Variants in PUM2 observed in about 807,000 individuals in gnomAD.
The protein encoded by PUM2 is pumilio homolog 2.
A neutral mutation model predicts 124.5 loss-of-function variants in PUM2; 57 were observed. That is an observed-to-expected ratio of 0.46 (90% CI 0.37 to 0.57). The LOEUF (loss-of-function observed/expected upper bound fraction) is 0.57, where lower values mean the gene tolerates loss of function less well. Ranked by LOEUF, PUM2 falls within the 20% of genes least tolerant of loss-of-function variation. PUM2 has a pLI of 0.00. For missense variants in PUM2, 1,065 were observed against 1,290.6 expected (o/e 0.83, Z 2.68); for synonymous variants, 460 against 446.1 (o/e 1.03, Z -0.39).
At position 20,263,189 on chromosome 2, in the gene PUM2, C is replaced by T. The variant is rs768466964; in HGVS notation, c.2225+4G>A. The T allele has an allele frequency of 2.5e-6, 4 of 1,581,494 alleles. No individual in the cohort carries two copies. Among genetic ancestry groups the T allele is most frequent in the East Asian group, 2.2e-5 (1 of 44,670 alleles). The stretch of plus-strand genomic sequence containing the variant: ...ATGAAGTGAGAAATATCATAATCAC[C>T]TACCTAGAACCATGCTGGTCTTGAG... On this transcript the variant is annotated splice_donor_region_variant and intron_variant, in intron 14 of 20. Coordinates refer to ENST00000361078, the MANE Select transcript of PUM2 (RefSeq NM_015317.5).
intron 1 of PUM2, 154 bp from the exon 2 acceptor site, chr2:20,327,532 A>G (rs890745751): frequency 1.1e-4 from 63 of 573,574 alleles, no homozygotes; most frequent in Admixed American, 3.3e-4. Flanking sequence ...TTCCCAGTTT[A>G]TGACAGCAAT....
chr2:20,351,894 T>C (rs1689377528), upstream of PUM2, among the ~76,000 whole-genome samples: 1 of 152,234 alleles, frequency 6.6e-6, no homozygotes, highest in African/African-American at 2.4e-5. Flanking sequence ...ACATGGGCTC[T>C]TCGGTTTTTA....
intron 9 of PUM2, among the ~76,000 whole-genome samples, chr2:20,292,310 T>C (rs1045792085): frequency 2.0e-5 from 3 of 151,626 alleles, no homozygotes; most frequent in African/African-American, 4.8e-5. Context: ...TTTTTTTTTT[T>C]TTCCCCAAAG....
chr2:20,273,476 C>A (rs767974575), intron 13 of PUM2, among the ~76,000 whole-genome samples: 4 of 152,054 alleles, frequency 2.6e-5, no homozygotes, highest in Non-Finnish European at 5.9e-5. Context: ...ACATTAGAAC[C>A]ACAATGTCAC....
rs1672335825 is a variant in PUM2 at position 20,284,732 on chromosome 2, A to G, written c.1292-1246T>C. 2.6e-5 allele frequency among the ~76,000 whole-genome samples: 4 copies of G among 152,238 alleles called. No homozygotes were observed. The South Asian group carries it at 8.3e-4, about 32-fold the overall frequency. ...CTATGCAGAAGTGAGAGTTACAGTA[A>G]AATTAGTGATAATGCAGCATGAACA... On this transcript the variant is annotated intron_variant, in intron 10 of 20. Coordinates refer to ENST00000361078, the MANE Select transcript of PUM2 (RefSeq NM_015317.5).
chr2:20,327,140 T>A lies in PUM2; in HGVS notation c.51+170A>T, dbSNP rs539773930. Among the ~76,000 whole-genome samples, 47 of 151,988 alleles carry A rather than the reference T, an allele frequency of 3.1e-4. 1 individual carries two copies. Among genetic ancestry groups the A allele is most frequent in the Non-Finnish European group, 5.6e-4 (38 of 67,962 alleles). ...AAATTACTGCTAAAAGCTTTTTTTT[T>A]AAAGCTAAAAATCACAACAGAATTG... On this transcript the variant is annotated intron_variant, in intron 2 of 20. Transcript: ENST00000361078.
At chr2:20,328,962 A>C (rs1385343805) in intron 1 of PUM2, among the ~76,000 whole-genome samples, 1 of 152,154 alleles carries the variant, frequency 6.6e-6, no homozygotes, top group Non-Finnish European at 1.5e-5. Flanking sequence ...ACTTGAGCCC[A>C]GGAATTGAGA....
intron 7 of PUM2, among the ~76,000 whole-genome samples, chr2:20,302,220 C>A (rs569050326): frequency 2.0e-5 from 3 of 152,302 alleles, no homozygotes; most frequent in African/African-American, 7.2e-5. Flanking sequence ...TTTCCTGTTT[C>A]TGTCATATAA....
intron 2 of PUM2, among the ~76,000 whole-genome samples, chr2:20,322,490 G>C (rs1377326798): frequency 1.3e-5 from 2 of 152,030 alleles, no homozygotes; most frequent in Non-Finnish European, 2.9e-5. Flanking sequence ...TGCACCTCTA[G>C]TCCCAGCTAT....
chr2:20,328,109 T>G (rs1242548543), intron 1 of PUM2, among the ~76,000 whole-genome samples: 1 of 152,074 alleles, frequency 6.6e-6, no homozygotes, highest in Non-Finnish European at 1.5e-5. Context: ...CCGAGGTGGG[T>G]GATCACTTGA....
chr2:20,297,697 G>C lies in PUM2; in HGVS notation c.884-19C>G. Reference sequence around the variant, plus strand: ...ACACCAGCTATATTTTAAAAGGGGAGAAATAATAAACAACAATGTAAAGTA... The same window carrying C: ...ACACCAGCTATATTTTAAAAGGGGACAAATAATAAACAACAATGTAAAGTA... On this transcript the variant is annotated intron_variant, in intron 7 of 20. Transcript: ENST00000361078. The C allele has an allele frequency of 1.3e-6, 2 of 1,586,518 alleles. No individual in the cohort carries two copies. Among genetic ancestry groups the C allele is most frequent in the Non-Finnish European group, 1.7e-6 (2 of 1,163,772 alleles).
intron 17 of PUM2, 94 bp downstream of exon 17, chr2:20,255,939 G>C: frequency 2.4e-6 from 3 of 1,226,380 alleles, no homozygotes; most frequent in Non-Finnish European, 3.3e-6. Context: ...TACAATTGCT[G>C]GGTATTATCT....
chr2:20,259,539 C>T (rs541515328), intron 15 of PUM2, among the ~76,000 whole-genome samples: 1 of 152,284 alleles, frequency 6.6e-6, no homozygotes, highest in South Asian at 2.1e-4. Context: ...CAATGTTTGT[C>T]CTTTTGTGTG....
intron 2 of PUM2, among the ~76,000 whole-genome samples, chr2:20,324,546 G>A (rs1487180057): frequency 6.6e-6 from 1 of 152,152 alleles, no homozygotes; most frequent in Admixed American, 6.5e-5. Context: ...ACCTAGAGAA[G>A]CTAATAGGTA....
intron 9 of PUM2, among the ~76,000 whole-genome samples, chr2:20,291,597 T>C (rs1038697732): frequency 6.6e-6 from 1 of 152,222 alleles, no homozygotes. Context: ...CTTTTTCTTT[T>C]CTTTCTTCCT....
intron 1 of PUM2, among the ~76,000 whole-genome samples, chr2:20,348,594 A>G (rs965867717): frequency 2.0e-5 from 3 of 152,360 alleles, no homozygotes; most frequent in African/African-American, 7.2e-5. Context: ...AACTAAGATA[A>G]GTACCTACTC....
At chr2:20,343,746 T>A (rs1051086772) in intron 1 of PUM2, among the ~76,000 whole-genome samples, 3 of 152,218 alleles carry the variant, frequency 2.0e-5, no homozygotes, top group Non-Finnish European at 4.4e-5. Context: ...GGCAACATAG[T>A]GAGACCTTGT....
rs1197724768 is a variant in PUM2 at position 20,290,878 on chromosome 2, A to G, written c.1153-88T>C. ...GGACAACTGTGTATTTATTACAAAC[A>G]GCCTTTGGATATTTTTTAAACATTT... On this transcript the variant is annotated intron_variant, in intron 9 of 20. Coordinates refer to ENST00000361078, the MANE Select transcript of PUM2 (RefSeq NM_015317.5). The G allele has an allele frequency of 1.4e-5, 15 of 1,083,058 alleles. No individual in the cohort carries two copies. The African/African-American group carries it at 2.4e-4, about 17-fold the overall frequency. 67.1% of individuals were successfully genotyped at this position (1,083,058 alleles called of 1,614,324 possible).
rs758806672 is a variant in PUM2 at position 20,283,109 on chromosome 2, A to G, written c.1558T>C (p.Ser520Pro). The G allele has an allele frequency of 1.9e-6, 3 of 1,614,108 alleles. No individual in the cohort carries two copies. Among genetic ancestry groups the G allele is most frequent in the Non-Finnish European group, 1.7e-6 (2 of 1,180,014 alleles). ...QQQQPSTNLQ[S>P]NSFYGSSSLT... ...GAACTGCTTCCATAAAATGAATTAG[A>G]TTGCAGATTAGTGCTTGGCTGCTGT... The change falls in exon 12 of 21, where the codon TCT becomes CCT. Residue 520 changes from serine (S) to proline (P), a missense_variant. Ser to Pro is a moderately conservative substitution (Grantham distance 74). This residue lies in a region of PUM2 where 968 missense variants were observed against 1,159.8 expected (regional missense o/e 0.83). Transcript: ENST00000361078.
Sources: allele counts gnomAD v4.1 joint callset (sites outside exome capture counted in the v4.1 genomes callset), GRCh38; gene constraint gnomAD v4.1.1; regional missense constraint gnomAD v4.1.1; transcripts MANE v1.5; gene names NCBI Gene and HGNC (gene_info 2026-07-23, HGNC 2026-07-21).